EVC: variants seen among roughly 807,000 people sequenced by gnomAD.
The protein encoded by EVC is evC complex member EVC.
Under a neutral mutation model 118.9 loss-of-function variants are expected in EVC, and 116 were observed. That is an observed-to-expected ratio of 0.98 (90% CI 0.84 to 1.14). The LOEUF (loss-of-function observed/expected upper bound fraction) is 1.14, where lower values mean the gene tolerates loss of function less well. Among genes scored for constraint, EVC ranks in the 50% most tolerant of loss-of-function variants. The probability of loss-of-function intolerance (pLI) is 0.00; values close to 1 mark genes in which losing one functional copy is unlikely to be tolerated. For missense variants in EVC, 1,401 were observed against 1,246.4 expected (o/e 1.12, Z -1.87); for synonymous variants, 619 against 534.7 (o/e 1.16, Z -2.18).
chr4:5,810,487 G>A (rs1168990435), intron 20 of EVC, 37 bp downstream of exon 20: 2 of 1,540,874 alleles, frequency 1.3e-6, no homozygotes, highest in South Asian at 1.2e-5. Context: ...CTGTGGCTGG[G>A]TTTGGTAAAT....
intron 7 of EVC, among the ~76,000 whole-genome samples, chr4:5,747,299 C>T (rs577564269): frequency 6.6e-6 from 1 of 152,146 alleles, no homozygotes; most frequent in Non-Finnish European, 1.5e-5. Flanking sequence ...ATGCCCAGTC[C>T]AGCCAGAAGT....
At chr4:5,796,698 C>A (rs769910909) in intron 13 of EVC, among the ~76,000 whole-genome samples, 27 of 151,878 alleles carry the variant, frequency 1.8e-4, no homozygotes, top group Non-Finnish European at 3.5e-4. Context: ...AATAGGAACT[C>A]AAAAATGGCT....
rs776773987 is a variant in EVC, at chr4:5,731,496, G to A, written c.456G>A (p.Pro152=). ...AGCAGGCTGTTTTGCCACACCAGCC[G>A]GTAGAGGCCTCTCCTTCCAGCAGTC... ...NLKQAVLPHQ[P]VEASPSSSLG... is the part of the protein sequence containing the mutation. The change falls in exon 4 of 21, where the codon CCG becomes CCA. Residue 152 remains proline, a synonymous_variant. Coordinates refer to ENST00000264956, the MANE Select transcript of EVC (RefSeq NM_153717.3). The surrounding 1 kb of genome is among the most constrained non-coding windows in gnomAD (Gnocchi z 5.6). 39 of 1,613,966 alleles carry A rather than the reference G, an allele frequency of 2.4e-5. No homozygotes were observed. The highest frequency in any genetic ancestry group is 3.3e-5 in the Admixed American group (2 of 59,990).
chr4:5,735,433 T>C (rs1463956478), intron 5 of EVC, among the ~76,000 whole-genome samples: 1 of 152,194 alleles, frequency 6.6e-6, no homozygotes, highest in East Asian at 1.9e-4. Context: ...TGGGCCACTT[T>C]AGGAAAGGCT....
intron 5 of EVC, among the ~76,000 whole-genome samples, chr4:5,741,113 G>A (rs919209833): frequency 6.6e-6 from 1 of 152,202 alleles, no homozygotes; most frequent in Admixed American, 6.5e-5. Flanking sequence ...AGAGAAATGA[G>A]GACTTACGTT....
Position 5,742,615 on chromosome 4 carries a change from C to T in EVC, c.801+801C>T, listed in dbSNP as rs1244192458. Among the ~76,000 whole-genome samples the T allele has an allele frequency of 3.3e-5, 5 of 152,182 alleles. No homozygotes were observed. Among genetic ancestry groups the T allele is most frequent in the Admixed American group, 2.6e-4 (4 of 15,266 alleles). On this transcript the variant is annotated intron_variant, in intron 6 of 20. Transcript: ENST00000264956. This position sits in a 1 kb window ranked among gnomAD's most constrained non-coding sequence, Gnocchi z 5.2. ...TCATCCTCATGACCGCTGTCATCACCAACACCATCACCATCCTCATGTCCT... is the reference window on the plus strand; with the variant it reads ...TCATCCTCATGACCGCTGTCATCACTAACACCATCACCATCCTCATGTCCT...
At position 5,754,509 on chromosome 4, in the gene EVC, C is replaced by G. The variant is rs1730876223; in HGVS notation, c.1464+576C>G. Among the ~76,000 whole-genome samples the G allele has an allele frequency of 6.6e-6, 1 of 152,096 alleles. No individual in the cohort carries two copies. Among genetic ancestry groups the G allele is most frequent in the African/African-American group, 2.4e-5 (1 of 41,422 alleles). The stretch of plus-strand genomic sequence containing the variant: ...TCCAAGGAAAAGGAGTCAGCTGGCC[C>G]CAGTGCAGGCTCTAAGGACCTGGAC... On this transcript the variant is annotated intron_variant, in intron 10 of 20. Transcript: ENST00000264956. This position sits in a 1 kb window ranked among gnomAD's most constrained non-coding sequence, Gnocchi z 5.8.
chr4:5,817,252 C>T (rs1445134361), downstream of EVC, among the ~76,000 whole-genome samples: 2 of 152,194 alleles, frequency 1.3e-5, no homozygotes, highest in Non-Finnish European at 2.9e-5. Flanking sequence ...TAGAGGCTTC[C>T]TGCACCGTGT....
At chr4:5,792,503 A>G (rs929821721) in intron 12 of EVC, among the ~76,000 whole-genome samples, 3 of 152,210 alleles carry the variant, frequency 2.0e-5, no homozygotes, top group Non-Finnish European at 4.4e-5. Context: ...ACAAATTGAA[A>G]CCATGATGGA....
intron 18 of EVC, among the ~76,000 whole-genome samples, chr4:5,808,561 G>A (rs575122266): frequency 8.9e-4 from 135 of 152,262 alleles, no homozygotes; most frequent in African/African-American, 3.2e-3. Context: ...AGCATGCTAA[G>A]CAGGGCCAGG....
intron 11 of EVC, among the ~76,000 whole-genome samples, chr4:5,762,181 T>C (rs1732160315): frequency 8.2e-6 from 1 of 121,386 alleles, no homozygotes; most frequent in Admixed American, 7.6e-5. Flanking sequence ...GATAGTTTAC[T>C]GAGAATGATG....
intron 11 of EVC, among the ~76,000 whole-genome samples, chr4:5,774,264 G>T (rs980132600): frequency 2.0e-5 from 3 of 151,300 alleles, no homozygotes; most frequent in African/African-American, 7.3e-5. Context: ...AACAAAAACT[G>T]CCTCTGCTCA....
chr4:5,739,062 T>C (rs1485375067), intron 5 of EVC, among the ~76,000 whole-genome samples: 3 of 152,180 alleles, frequency 2.0e-5, no homozygotes, highest in East Asian at 1.9e-4. Flanking sequence ...TATTGTGATA[T>C]TCACCTTACT....
At chr4:5,826,036 C>T in the EVC span, 170 of 306,390 alleles carry the variant, frequency 5.5e-4, no homozygotes, top group Middle Eastern at 2.0e-3. Flanking sequence ...ACATACAGAT[C>T]TTCACAAAGG....
chr4:5,797,966 C>G (rs1226073572), intron 14 of EVC, among the ~76,000 whole-genome samples: 1 of 152,192 alleles, frequency 6.6e-6, no homozygotes, highest in African/African-American at 2.4e-5. Flanking sequence ...TGGCTCCAGG[C>G]CTCCTGCATG....
At chr4:5,825,276 C>G in the EVC span, 4 of 985,340 alleles carry the variant, frequency 4.1e-6, no homozygotes, top group Non-Finnish European at 4.8e-6. The surrounding 1 kb of genome is among the most constrained non-coding windows in gnomAD (Gnocchi z 4.4). Context: ...ACATCAGGTA[C>G]CACCATGTTG....
At chr4:5,733,536 A>G (rs1190798440) in intron 5 of EVC, 101 bp downstream of exon 5, 8 of 1,042,066 alleles carry the variant, frequency 7.7e-6, no homozygotes, top group East Asian at 7.3e-5. Context: ...AGAGGCAGAC[A>G]TCAGTGGAAA....
chr4:5,714,407 A>G (rs538736208), intron 1 of EVC, among the ~76,000 whole-genome samples: 63 of 151,864 alleles, frequency 4.1e-4, no homozygotes, highest in Non-Finnish European at 6.9e-4. Context: ...TCTACTTCTC[A>G]ACAGTGGCCT....
Position 5,737,801 on chromosome 4 carries a change from A to G in EVC, c.703-3915A>G, listed in dbSNP as rs938248620. Among the ~76,000 whole-genome samples the G allele has an allele frequency of 8.5e-5, 13 of 152,234 alleles. No homozygotes were observed. Among genetic ancestry groups the G allele is most frequent in the African/African-American group, 3.1e-4 (13 of 41,462 alleles). The stretch of plus-strand genomic sequence containing the variant: ...CACCCGAGAGCTCTGATGAAGATGT[A>G]CAAGGAAGTTAATGTCATTTTCATG... On this transcript the variant is annotated intron_variant, in intron 5 of 20. Transcript: ENST00000264956. The surrounding 1 kb of genome is among the most constrained non-coding windows in gnomAD (Gnocchi z 5.0).
Sources: gnomAD v4.1 joint callset for allele counts (sites outside exome capture counted in the v4.1 genomes callset) on GRCh38, gnomAD v4.1.1 for gene constraint, Gnocchi (gnomAD v3.1) non-coding constraint, MANE v1.5 for transcripts, NCBI Gene and HGNC (gene_info 2026-07-23, HGNC 2026-07-21) for gene names.